KYAT3: variants seen among roughly 807,000 people sequenced by gnomAD.
The protein encoded by KYAT3 is kynurenine--oxoglutarate transaminase 3.
KYAT3 carries 50 observed loss-of-function variants against 59.0 expected under a neutral mutation model. The observed-to-expected ratio is 0.85, with a 90% CI of 0.68 to 1.07. The LOEUF (loss-of-function observed/expected upper bound fraction) is 1.07. Ranked by LOEUF, KYAT3 falls within the 50% of genes least tolerant of loss-of-function variation. KYAT3 has a pLI of 0.00. For synonymous variants in KYAT3, 148 were observed against 177.0 expected, an observed-to-expected ratio of 0.84 and a Z score of 1.30; for missense variants, 497 against 533.3, an observed-to-expected ratio of 0.93 and a Z score of 0.67.
chr1:88,941,948 T>C (rs1307769382), intron 13 of KYAT3, among the ~76,000 whole-genome samples: 1 of 152,232 alleles, frequency 6.6e-6, no homozygotes, highest in Non-Finnish European at 1.5e-5. Flanking sequence ...ATTGACCTTT[T>C]TAGACATAAG....
At chr1:88,921,597 T>C in the KYAT3 span, among the ~76,000 whole-genome samples, 1 of 152,228 alleles carries the variant, frequency 6.6e-6, no homozygotes, top group Non-Finnish European at 1.5e-5. Context: ...TATAGACAAC[T>C]TAACTTCATT....
At chr1:88,955,361 T>G (rs1675867783) in intron 8 of KYAT3, 136 bp from the exon 9 acceptor site, 2 of 444,030 alleles carry the variant, frequency 4.5e-6, no homozygotes, top group South Asian at 6.8e-5. Context: ...TTATTTCTAG[T>G]TTTTTTTTTA....
chr1:88,940,242 T>C (rs1191803229), intron 13 of KYAT3, among the ~76,000 whole-genome samples: 1 of 152,000 alleles, frequency 6.6e-6, no homozygotes, highest in Non-Finnish European at 1.5e-5. Context: ...CCTCAATTTT[T>C]TGTATTTTTA....
At chr1:88,942,626 G>A (rs1018633435) in intron 13 of KYAT3, among the ~76,000 whole-genome samples, 3 of 151,858 alleles carry the variant, frequency 2.0e-5, no homozygotes, top group Admixed American at 6.6e-5. Context: ...GCAGTGGTGC[G>A]ATCTCGGCTC....
intron 8 of KYAT3, among the ~76,000 whole-genome samples, chr1:88,958,208 C>G (rs759250904): frequency 2.0e-5 from 3 of 152,146 alleles, no homozygotes; most frequent in Non-Finnish European, 4.4e-5. Context: ...TCAGCCCTTC[C>G]ATACAAATCT....
At chr1:88,931,880 CAAAAAAAAA>C (rs57089214), downstream of KYAT3, among the ~76,000 whole-genome samples, 2,662 of 30,898 alleles carry the variant, frequency 0.086, 94 homozygotes, top group African/African-American at 0.25. Context: ...CCTGCAACTG[CAAAAAAAAA>C]AAAAAAAAAA....
chr1:88,976,747 G>T (rs1230617577), intron 2 of KYAT3, among the ~76,000 whole-genome samples: 4 of 152,166 alleles, frequency 2.6e-5, no homozygotes, highest in African/African-American at 9.7e-5. Flanking sequence ...AGACGTGGAG[G>T]TAGAACACAG....
At chr1:88,984,319 A>G (rs1346000995) in intron 2 of KYAT3, among the ~76,000 whole-genome samples, 1 of 144,474 alleles carries the variant, frequency 6.9e-6, no homozygotes, top group East Asian at 2.1e-4. Context: ...GGCTCAAGCC[A>G]TTCTTGTGCC....
At chr1:88,922,905 A>G in the KYAT3 span, among the ~76,000 whole-genome samples, 66 of 152,338 alleles carry the variant, frequency 4.3e-4, no homozygotes, top group African/African-American at 1.5e-3. Context: ...AGCTTCTGAG[A>G]AAGTGTCCTC....
intron 8 of KYAT3, among the ~76,000 whole-genome samples, chr1:88,957,080 T>A (rs1675952275): frequency 6.6e-6 from 1 of 152,220 alleles, no homozygotes; most frequent in Non-Finnish European, 1.5e-5. Flanking sequence ...GTAAGGCAGC[T>A]ACAGAAATTT....
chr1:88,955,157 C>T lies in KYAT3; in HGVS notation c.856G>A (p.Gly286Ser), dbSNP rs745779521. Residue 286 changes from glycine (G) to serine (S), a missense_variant, in exon 9 of 14, where the codon GGC (glycine) becomes AGC (serine). Around this residue, in one of 2 missense-constraint regions of KYAT3, gnomAD observed 469 missense variants for 479.1 expected, o/e 0.98. Transcript: ENST00000260508. The stretch of plus-strand genomic sequence containing the variant: ...ATTCTTACTCATCTTACCTTCCAGC[C>T]AGTTACACTGAAAGTCTTTCCAGCA... ...GSAGKTFSVT[G>S]WKLGWSIGPN... 1.9e-6 allele frequency: 3 copies of T among 1,603,710 alleles called. No individual in the cohort carries two copies. Among genetic ancestry groups the T allele is most frequent in the Non-Finnish European group, 2.6e-6 (3 of 1,170,822 alleles).
chr1:88,982,552 A>G, intron 2 of KYAT3: 1 of 1,451,524 alleles, frequency 6.9e-7, no homozygotes, highest in Non-Finnish European at 9.2e-7. Flanking sequence ...AAGGTAACAC[A>G]ATTTTTCCTT....
chr1:88,947,724 A>T (rs1675497746), intron 11 of KYAT3, among the ~76,000 whole-genome samples: 1 of 152,130 alleles, frequency 6.6e-6, no homozygotes. Flanking sequence ...AAATCATAAC[A>T]CCTTACTTTT....
At chr1:88,960,956 T>C (rs1447247650) in intron 8 of KYAT3, among the ~76,000 whole-genome samples, 1 of 152,234 alleles carries the variant, frequency 6.6e-6, no homozygotes, top group Non-Finnish European at 1.5e-5. Context: ...CATAGCTTTA[T>C]AGTATGATCC....
At chr1:88,988,216 T>C (rs754852990) in intron 2 of KYAT3, 36 bp downstream of exon 2, 4 of 1,383,228 alleles carry the variant, frequency 2.9e-6, no homozygotes, top group South Asian at 2.4e-5. Context: ...GTGCAGAATA[T>C]GTACAATAAT....
chr1:88,924,028 T>C, the KYAT3 span, among the ~76,000 whole-genome samples: 3 of 152,336 alleles, frequency 2.0e-5, no homozygotes, highest in African/African-American at 4.8e-5. Context: ...ATTGGAGGTA[T>C]AGGTTGTGAC....
chr1:88,928,192 C>T, the KYAT3 span, among the ~76,000 whole-genome samples: 18 of 152,100 alleles, frequency 1.2e-4, no homozygotes, highest in African/African-American at 4.3e-4. Context: ...GGAAGCATAC[C>T]TCCCTGTCAC....
At chr1:88,926,667 T>A in the KYAT3 span, among the ~76,000 whole-genome samples, 1 of 152,162 alleles carries the variant, frequency 6.6e-6, no homozygotes. Context: ...CCACAACGGG[T>A]ATTCAGTAAT....
chr1:88,952,267 A>G (rs1675705052), intron 10 of KYAT3, among the ~76,000 whole-genome samples: 1 of 152,360 alleles, frequency 6.6e-6, no homozygotes, highest in Non-Finnish European at 1.5e-5. Context: ...CTCCTCAATC[A>G]TCTGCAATGA....
Sources: gnomAD v4.1 joint callset for allele counts (sites outside exome capture counted in the v4.1 genomes callset) on GRCh38, gnomAD v4.1.1 for gene constraint, gnomAD v4.1.1 regional missense constraint, MANE v1.5 for transcripts, NCBI Gene and HGNC (gene_info 2026-07-23, HGNC 2026-07-21) for gene names.